RSU1: variants seen among roughly 807,000 people sequenced by gnomAD.
The protein encoded by RSU1 is rsu-1.
Under a neutral mutation model 31.1 loss-of-function variants are expected in RSU1, and 26 were observed. The ratio of observed to expected loss-of-function variants is 0.84; its 90% CI spans 0.61 to 1.16. The LOEUF (loss-of-function observed/expected upper bound fraction) is 1.16, where lower values mean the gene tolerates loss of function less well. RSU1 is among the 50% of genes most tolerant of loss of function. RSU1 has a pLI of 0.00. For synonymous variants in RSU1, 164 were observed against 136.3 expected, an observed-to-expected ratio of 1.20 and a Z score of -1.41; for missense variants, 320 against 339.1, an observed-to-expected ratio of 0.94 and a Z score of 0.44.
chr10:16,657,221 A>G (rs1054064254), intron 8 of RSU1, among the ~76,000 whole-genome samples: 5 of 152,204 alleles, frequency 3.3e-5, no homozygotes, highest in Non-Finnish European at 7.3e-5. Flanking sequence ...ACCGAGTTTC[A>G]CAAGTATTCA....
chr10:16,653,882 C>T (rs997963279), intron 8 of RSU1, among the ~76,000 whole-genome samples: 1 of 152,128 alleles, frequency 6.6e-6, no homozygotes, highest in Non-Finnish European at 1.5e-5. Context: ...CCCAATGTGA[C>T]ACCAGAGCTA....
In RSU1 at chr10:16,593,425, C is replaced by T. The variant is rs1481288947; in HGVS notation, c.803G>A (p.Ser268Asn). The T allele has an allele frequency of 1.2e-6, 2 of 1,614,028 alleles. No individual in the cohort carries two copies. The highest frequency in any genetic ancestry group is 1.7e-6 in the Non-Finnish European group (2 of 1,179,998). The change falls in exon 9 of 9, where the codon AGC becomes AAC. Residue 268 changes from serine to asparagine, a missense_variant. Physicochemically the swap from Ser to Asn is conservative, Grantham distance 46. Coordinates refer to ENST00000345264, the MANE Select transcript of RSU1 (RefSeq NM_012425.4). ...KKNNDKSKKI[S>N]RKPLAAKNR ...GTTCTTGGCTGCCAGGGGTTTCCGG[C>T]TGATCTTTTTCGATTTGTCATTATT... is the stretch of plus-strand genomic sequence containing the variant.
At chr10:16,691,674 C>T (rs1472681771) in intron 8 of RSU1, among the ~76,000 whole-genome samples, 4 of 150,714 alleles carry the variant, frequency 2.7e-5, no homozygotes, top group Admixed American at 2.0e-4. Context: ...AGCTGGTCCC[C>T]GTGGAAAGGA....
chr10:16,625,287 C>T (rs1021087680), intron 8 of RSU1, among the ~76,000 whole-genome samples: 7 of 152,158 alleles, frequency 4.6e-5, no homozygotes, highest in Admixed American at 2.6e-4. Flanking sequence ...GCTTCTGTCT[C>T]GTGGGGTCTG....
chr10:16,676,769 T>A (rs1376883826), intron 8 of RSU1, among the ~76,000 whole-genome samples: 1 of 152,166 alleles, frequency 6.6e-6, no homozygotes, highest in Non-Finnish European at 1.5e-5. Flanking sequence ...TCAACCTGTA[T>A]AAATGTGTGT....
In RSU1 at chr10:16,625,055, C is replaced by T. The variant is rs45467795; in HGVS notation, c.732-31559G>A. 8.4e-3 allele frequency among the ~76,000 whole-genome samples: 1,280 copies of T among 152,230 alleles called. 11 individuals carry two copies. The highest frequency in any genetic ancestry group is 0.02 in the Middle Eastern group (6 of 294). ...CTTCATTTTTATGCTCTTTTCTCTG[C>T]CCTGCCAGATGGGAACATTAGCTGC... On this transcript the variant is annotated intron_variant, in intron 8 of 8. Transcript: ENST00000345264.
intron 8 of RSU1, among the ~76,000 whole-genome samples, chr10:16,624,793 A>G (rs1223683306): frequency 6.6e-6 from 1 of 152,218 alleles, no homozygotes; most frequent in African/African-American, 2.4e-5. Context: ...TCCCATGCAC[A>G]CAAGGTATAT....
chr10:16,752,790 A>G (rs1837005841), intron 6 of RSU1, 128 bp downstream of exon 6: 2 of 1,027,694 alleles, frequency 1.9e-6, no homozygotes, highest in African/African-American at 1.6e-5. Context: ...GATAATCAAG[A>G]AACACTATCA....
chr10:16,799,105 G>A (rs1838097375), intron 2 of RSU1, among the ~76,000 whole-genome samples: 1 of 152,166 alleles, frequency 6.6e-6, no homozygotes, highest in Non-Finnish European at 1.5e-5. Context: ...CTACGTGAGG[G>A]CTAAAGGAGA....
intron 7 of RSU1, among the ~76,000 whole-genome samples, chr10:16,733,595 CAT>C (rs1365089915): frequency 6.6e-6 from 1 of 152,116 alleles, no homozygotes; most frequent in Non-Finnish European, 1.5e-5. Flanking sequence ...CGAAAACTCT[CAT>C]AGTCTGAAGC....
intron 7 of RSU1, among the ~76,000 whole-genome samples, chr10:16,696,986 C>G (rs1324833059): frequency 6.6e-6 from 1 of 152,056 alleles, no homozygotes; most frequent in African/African-American, 2.4e-5. Context: ...ATAATTCCTT[C>G]ATGGTTTTTT....
At chr10:16,612,732 G>A (rs1446097148) in intron 8 of RSU1, among the ~76,000 whole-genome samples, 1 of 152,126 alleles carries the variant, frequency 6.6e-6, no homozygotes, top group Non-Finnish European at 1.5e-5. Context: ...AGTACTTGGG[G>A]AATTCATCCA....
At chr10:16,705,468 ATTTT>A (rs968001855) in intron 7 of RSU1, among the ~76,000 whole-genome samples, 28 of 151,950 alleles carry the variant, frequency 1.8e-4, no homozygotes, top group African/African-American at 6.3e-4. Context: ...TTGTTCTGCT[ATTTT>A]TGTTTTTTTT....
intron 7 of RSU1, among the ~76,000 whole-genome samples, chr10:16,745,027 GTTGT>G (rs985779003): frequency 6.6e-6 from 1 of 152,150 alleles, no homozygotes; most frequent in African/African-American, 2.4e-5. Context: ...GATCTACTCT[GTTGT>G]TTCTTTCTCA....
In RSU1 at chr10:16,686,836, C is replaced by A. The variant is rs182276492; in HGVS notation, c.731+8187G>T. On this transcript the variant is annotated intron_variant, in intron 8 of 8. Transcript: ENST00000345264. ...AGGTTCAGGATAAATCTCTCTTCTC[C>A]CTTTGATGTTGCAGCTGTAGTTTTT... 3.8e-3 allele frequency among the ~76,000 whole-genome samples: 571 copies of A among 148,398 alleles called. 2 individuals are homozygous for A. The highest frequency in any genetic ancestry group is 7.4e-3 in the Admixed American group (107 of 14,532).
intron 8 of RSU1, among the ~76,000 whole-genome samples, chr10:16,674,017 C>T (rs1391452708): frequency 6.6e-6 from 1 of 152,174 alleles, no homozygotes; most frequent in Non-Finnish European, 1.5e-5. Context: ...CATCCTGAGG[C>T]TCTCAGCAGC....
chr10:16,738,394 T>G (rs1264190743), intron 7 of RSU1, among the ~76,000 whole-genome samples: 3 of 151,974 alleles, frequency 2.0e-5, no homozygotes, highest in African/African-American at 7.3e-5. Flanking sequence ...GAGCATGCAG[T>G]GAGCCGAGAT....
At chr10:16,718,649 T>C (rs149264016) in intron 7 of RSU1, among the ~76,000 whole-genome samples, 1 of 152,294 alleles carries the variant, frequency 6.6e-6, no homozygotes, top group Non-Finnish European at 1.5e-5. Context: ...TCAAATTTTA[T>C]ACAACTGTAT....
At position 16,716,910 on chromosome 10, in the gene RSU1, A is replaced by C. The variant is rs191470904; in HGVS notation, c.599-21755T>G. ...TCACGTAATCTTAATATTCATCTTA[A>C]GAACCTTCCCTTTTTAATGTCTAAC... is the stretch of plus-strand genomic sequence containing the variant. On this transcript the variant is annotated intron_variant, in intron 7 of 8. Coordinates refer to ENST00000345264, the MANE Select transcript of RSU1 (RefSeq NM_012425.4). Among the ~76,000 whole-genome samples the C allele has an allele frequency of 2.1e-3, 326 of 152,334 alleles. 2 individuals are homozygous for C. The highest frequency in any genetic ancestry group is 7.4e-3 in the African/African-American group (309 of 41,574).
Sources: allele counts gnomAD v4.1 joint callset (sites outside exome capture counted in the v4.1 genomes callset), GRCh38; gene constraint gnomAD v4.1.1; transcripts MANE v1.5; gene names NCBI Gene and HGNC (gene_info 2026-07-23, HGNC 2026-07-21).